The following CMTR1 variants were observed in gnomAD, a reference collection of about 807,000 sequenced individuals.
CMTR1 encodes cap methyltransferase 1, also known as cap-specific mRNA (nucleoside-2'-O-)-methyltransferase 1.
A neutral mutation model predicts 107.0 loss-of-function variants in CMTR1; 39 were observed. The observed-to-expected ratio is 0.36, with a 90% CI of 0.28 to 0.48. The LOEUF is 0.48. Among genes scored for constraint, CMTR1 ranks in the 20% least tolerant of loss-of-function variants. The pLI, the probability that CMTR1 is intolerant of heterozygous loss-of-function variation, is 0.99. For missense variants in CMTR1, 672 were observed against 1,064.9 expected, an observed-to-expected ratio of 0.63 and a Z score of 5.14; for synonymous variants, 366 against 379.5, an observed-to-expected ratio of 0.96 and a Z score of 0.41.
chr6:37,443,645 C>T (rs1168525220), intron 2 of CMTR1, among the ~76,000 whole-genome samples: 1 of 152,164 alleles, frequency 6.6e-6, no homozygotes, highest in Non-Finnish European at 1.5e-5. Context: ...CGTGAGCCAC[C>T]ATGCCCAGCC....
chr6:37,443,895 G>T, intron 2 of CMTR1, 104 bp from the exon 3 acceptor site: 2 of 1,244,934 alleles, frequency 1.6e-6, no homozygotes, highest in Non-Finnish European at 1.1e-6. Context: ...AACTTTATAT[G>T]TGCATTGTGT....
At chr6:37,465,097 C>T (rs1347607521) in intron 13 of CMTR1, among the ~76,000 whole-genome samples, 1 of 151,928 alleles carries the variant, frequency 6.6e-6, no homozygotes. Flanking sequence ...GGTGAAACCC[C>T]ATCTCTACTG....
intron 11 of CMTR1, 128 bp downstream of exon 11, chr6:37,461,773 G>T: frequency 1.2e-6 from 1 of 823,040 alleles, no homozygotes; most frequent in South Asian, 1.7e-5. Flanking sequence ...GTAGCTAAAT[G>T]AGTAATTTAG....
At chr6:37,475,768 T>C in intron 19 of CMTR1, 1 of 476,932 alleles carries the variant, frequency 2.1e-6, no homozygotes, top group Non-Finnish European at 3.8e-6. Flanking sequence ...TTTAAGTTGC[T>C]CATCTGAGTG....
In CMTR1 at chr6:37,435,691, C is replaced by G; in HGVS notation, c.62C>G (p.Ala21Gly). The G allele has an allele frequency of 6.2e-7, 1 of 1,603,554 alleles. No homozygotes were observed. The highest frequency in any genetic ancestry group is 8.5e-7 in the Non-Finnish European group (1 of 1,176,024). The change falls in exon 2 of 24, where the codon GCA (alanine) becomes GGA (glycine). Residue 21 changes from alanine to glycine, a missense_variant. Ala to Gly is a moderately conservative substitution (Grantham distance 60). This residue lies in a region of CMTR1 where 89 missense variants were observed against 96.6 expected (regional missense o/e 0.92). Coordinates refer to ENST00000373451, the MANE Select transcript of CMTR1 (RefSeq NM_015050.3). ...ATCAAGAAACAGAAAAAAAGAGTTG[C>G]AGAGCTTGCCCTGAGCCTCAGCTCC... is the stretch of plus-strand genomic sequence containing the variant. ...APIKKQKKRV[A>G]ELALSLSSTS... is the part of the protein sequence containing the mutation.
chr6:37,447,412 C>T (rs770657502), intron 4 of CMTR1, among the ~76,000 whole-genome samples: 4 of 152,146 alleles, frequency 2.6e-5, no homozygotes, highest in East Asian at 1.9e-4. Context: ...ACTGGCAATG[C>T]GGAACAGGGT....
intron 22 of CMTR1, 150 bp from the exon 23 acceptor site, chr6:37,478,997 G>C: frequency 1.6e-6 from 1 of 608,390 alleles, no homozygotes; most frequent in Non-Finnish European, 2.9e-6. Flanking sequence ...CTTTGGGCTG[G>C]TGATGAAGGC....
At chr6:37,460,423 A>T (rs1761379071) in intron 10 of CMTR1, among the ~76,000 whole-genome samples, 1 of 151,974 alleles carries the variant, frequency 6.6e-6, no homozygotes, top group African/African-American at 2.4e-5. Context: ...CAGATGTGGG[A>T]GTCTGATAGC....
chr6:37,440,837 C>G (rs1314235445), intron 2 of CMTR1, among the ~76,000 whole-genome samples: 1 of 152,154 alleles, frequency 6.6e-6, no homozygotes, highest in African/African-American at 2.4e-5. Flanking sequence ...CCCTGTGTGC[C>G]CAGGAATGTT....
intron 13 of CMTR1, 63 bp downstream of exon 13, chr6:37,463,071 A>C (rs1761435168): frequency 1.3e-6 from 2 of 1,501,632 alleles, no homozygotes; most frequent in Non-Finnish European, 1.8e-6. Flanking sequence ...AGAGAGTGAA[A>C]GACTGAATGG....
At chr6:37,477,712 C>A in intron 21 of CMTR1, 73 bp downstream of exon 21, 2 of 795,792 alleles carry the variant, frequency 2.5e-6, no homozygotes, top group Non-Finnish European at 4.3e-6. Context: ...AGTCATCCTC[C>A]GTTTCATAAG....
upstream of CMTR1, among the ~76,000 whole-genome samples, chr6:37,428,523 T>A (rs924735270): frequency 3.3e-5 from 5 of 152,310 alleles, no homozygotes; most frequent in African/African-American, 1.2e-4. Flanking sequence ...AGTGGTGTGA[T>A]CTCTGCTTAC....
At chr6:37,446,669 A>G (rs890961456) in intron 4 of CMTR1, among the ~76,000 whole-genome samples, 6 of 152,230 alleles carry the variant, frequency 3.9e-5, no homozygotes, top group African/African-American at 1.4e-4. Context: ...AGGACTGTCT[A>G]AGACCAACGG....
In CMTR1 at chr6:37,479,238, C is replaced by T. The variant is rs776880325; in HGVS notation, c.2358C>T (p.Asp786=). The T allele has an allele frequency of 1.9e-6, 3 of 1,611,270 alleles. No homozygotes were observed. Among genetic ancestry groups the T allele is most frequent in the Admixed American group, 1.7e-5 (1 of 60,004 alleles). The change falls in exon 23 of 24, where the codon GAC becomes GAT. Residue 786 remains aspartate, a synonymous_variant. Coordinates refer to ENST00000373451, the MANE Select transcript of CMTR1 (RefSeq NM_015050.3). Reference sequence around the variant, plus strand: ...ACTCTACTTTTGACCTCCCTGCAGACTCCATTGCCCCATTTCAGTAAGTAG... The same window carrying T: ...ACTCTACTTTTGACCTCCCTGCAGATTCCATTGCCCCATTTCAGTAAGTAG... The part of the protein sequence containing the change: ...TKDSTFDLPA[D]SIAPFHICYY...
intron 2 of CMTR1, among the ~76,000 whole-genome samples, chr6:37,442,221 G>A (rs1042347141): frequency 1.3e-5 from 2 of 152,168 alleles, no homozygotes; most frequent in South Asian, 4.1e-4. Flanking sequence ...TCTTTTAAAC[G>A]GTATCAGTGT....
chr6:37,446,378 C>T lies in CMTR1; in HGVS notation c.373C>T (p.Arg125Ter). The T allele has an allele frequency of 1.2e-6, 2 of 1,614,064 alleles. No individual in the cohort carries two copies. Among genetic ancestry groups the T allele is most frequent in the Non-Finnish European group, 8.5e-7 (1 of 1,180,024 alleles). The stretch of plus-strand genomic sequence containing the variant: ...CGTTGAGGCTTCCAGTCAGAAAGGT[C>T]GAAGAGGCTTGGGTCTGACACTCCG... ...DIVEASSQKG[R>*]RGLGLTLRGF... The change falls in exon 4 of 24, where the codon CGA becomes TGA. Residue 125 changes from arginine to a stop codon, truncating the protein, a stop_gained. Transcript: ENST00000373451. LOFTEE classifies it high-confidence loss of function.
chr6:37,450,138 C>T, intron 4 of CMTR1, 113 bp from the exon 5 acceptor site: 1 of 832,824 alleles, frequency 1.2e-6, no homozygotes, highest in South Asian at 1.7e-5. Flanking sequence ...CAACCTGCAC[C>T]CTTCTCGGTC....
At chr6:37,435,870 G>C (rs1771518139) in intron 2 of CMTR1, 108 bp downstream of exon 2, 2 of 1,105,180 alleles carry the variant, frequency 1.8e-6, no homozygotes, top group South Asian at 1.9e-5. Flanking sequence ...GGTCCCTTGA[G>C]GAAAATTAGG....
chr6:37,471,602 T>G (rs954541766), intron 14 of CMTR1, among the ~76,000 whole-genome samples: 7 of 152,278 alleles, frequency 4.6e-5, no homozygotes, highest in African/African-American at 7.2e-5. Context: ...TGGAGGGCAC[T>G]TTCTCCTTTC....
Sources: gnomAD v4.1 joint callset for allele counts (sites outside exome capture counted in the v4.1 genomes callset) on GRCh38, gnomAD v4.1.1 for gene constraint, gnomAD v4.1.1 regional missense constraint, MANE v1.5 for transcripts, NCBI Gene and HGNC (gene_info 2026-07-23, HGNC 2026-07-21) for gene names.